Variants in DLEU7 observed in about 807,000 individuals in gnomAD.
DLEU7 encodes the protein deleted in lymphocytic leukemia 7.
DLEU7 carries 17 observed loss-of-function variants against 16.0 expected under a neutral mutation model. The observed-to-expected ratio is 1.06, with a 90% CI of 0.73 to 1.59. The LOEUF (loss-of-function observed/expected upper bound fraction) is 1.59. DLEU7 is among the 40% of genes most tolerant of loss of function. The probability of loss-of-function intolerance (pLI) is 0.00; values close to 1 mark genes in which losing one functional copy is unlikely to be tolerated. For missense variants in DLEU7, 308 were observed against 314.9 expected (o/e 0.98, Z 0.17); for synonymous variants, 113 against 139.8 (o/e 0.81, Z 1.35).
intron 1 of DLEU7, among the ~76,000 whole-genome samples, chr13:50,790,211 G>A (rs1875915092): frequency 6.6e-6 from 1 of 151,954 alleles, no homozygotes; most frequent in African/African-American, 2.4e-5. Context: ...GAGATTACAG[G>A]CGTGAGCCAC....
rs374423037 is a variant in DLEU7, at chr13:50,713,975, C to T, written c.460-735G>A. On this transcript the variant is annotated intron_variant, in intron 1 of 1. Coordinates refer to the DLEU7 transcript ENST00000400393. ...TTGCCCCTACCCTCATGAAGACTGT[C>T]GGCTGTGTTACAGAACTGCTGCTCT... Among the ~76,000 whole-genome samples the T allele has an allele frequency of 3.9e-5, 6 of 152,210 alleles. No homozygotes were observed. In the East Asian group the frequency reaches 9.6e-4, roughly 24 times the overall value.
chr13:50,747,917 A>G (rs1462061117), intron 1 of DLEU7, among the ~76,000 whole-genome samples: 2 of 152,204 alleles, frequency 1.3e-5, no homozygotes, highest in African/African-American at 4.8e-5. Flanking sequence ...ACTGGTGACC[A>G]TGGCAACTGG....
intron 1 of DLEU7, among the ~76,000 whole-genome samples, chr13:50,811,282 G>A (rs927845720): frequency 6.6e-6 from 1 of 152,062 alleles, no homozygotes; most frequent in Non-Finnish European, 1.5e-5. Context: ...AAGAACCGAG[G>A]GAAGGCCTTT....
At chr13:50,837,251 T>C (rs958709364) in intron 1 of DLEU7, among the ~76,000 whole-genome samples, 2 of 152,212 alleles carry the variant, frequency 1.3e-5, no homozygotes, top group African/African-American at 4.8e-5. Context: ...AAAAGCACTT[T>C]TGTGATGGGT....
intron 1 of DLEU7, among the ~76,000 whole-genome samples, chr13:50,748,578 A>C (rs889292113): frequency 6.6e-6 from 1 of 152,122 alleles, no homozygotes; most frequent in Non-Finnish European, 1.5e-5. Context: ...GGGTGTCCTC[A>C]GGTGACGGTC....
At chr13:50,823,869 C>T (rs540376227) in intron 1 of DLEU7, among the ~76,000 whole-genome samples, 54 of 152,292 alleles carry the variant, frequency 3.5e-4, no homozygotes, top group Non-Finnish European at 6.2e-4. Context: ...AGGATAGCAT[C>T]CAAATGAGAA....
At chr13:50,770,642 A>G (rs955948012) in intron 1 of DLEU7, among the ~76,000 whole-genome samples, 2 of 152,184 alleles carry the variant, frequency 1.3e-5, no homozygotes, top group South Asian at 4.1e-4. Flanking sequence ...GTGGTGGATA[A>G]GCTTTTTGAT....
intron 1 of DLEU7, among the ~76,000 whole-genome samples, chr13:50,730,936 T>C (rs1162759962): frequency 6.6e-6 from 1 of 151,994 alleles, no homozygotes; most frequent in Non-Finnish European, 1.5e-5. Context: ...AAACCCCACC[T>C]CTCCACACCC....
In DLEU7 at chr13:50,843,428, C is replaced by A; in HGVS notation, c.219G>T (p.Gly73=). The A allele has an allele frequency of 1.5e-6, 2 of 1,321,314 alleles. No individual in the cohort carries two copies. The highest frequency in any genetic ancestry group is 4.4e-5 in the South Asian group (2 of 45,752). The allele number at this position is 1,321,314 out of a possible 1,614,324, so 81.8% of individuals were successfully genotyped here. A position where few individuals can be genotyped will look rare whatever the true frequency, so the allele number is the denominator to read the frequency against. ...GCGCCGCGGTCCGCCGACTCCTGGT[C>A]CCCACGCCCCCGCCCCGCTCCTCGC... is the stretch of plus-strand genomic sequence containing the variant. ...PGREERGGGV[G]TRSRRTAARA... The change falls in exon 1 of 2, where the codon GGG becomes GGT. Residue 73 remains glycine, a synonymous_variant. Transcript: ENST00000504404. The surrounding 1 kb of genome is among the most constrained non-coding windows in gnomAD (Gnocchi z 5.7).
chr13:50,797,435 A>G (rs534372677), intron 1 of DLEU7, among the ~76,000 whole-genome samples: 4 of 152,336 alleles, frequency 2.6e-5, no homozygotes, highest in East Asian at 3.9e-4. Context: ...TAAAGCTTCA[A>G]TCACCAAGCA....
chr13:50,773,470 T>A (rs1875391554), intron 1 of DLEU7, among the ~76,000 whole-genome samples: 1 of 152,232 alleles, frequency 6.6e-6, no homozygotes, highest in Non-Finnish European at 1.5e-5. Context: ...TTGTCCTTTT[T>A]GTTGATGTTG....
At chr13:50,755,284 T>G (rs1483881690) in intron 1 of DLEU7, among the ~76,000 whole-genome samples, 1 of 152,248 alleles carries the variant, frequency 6.6e-6, no homozygotes, top group East Asian at 1.9e-4. Context: ...CCAAATATGT[T>G]TTCCAAACTC....
chr13:50,790,906 C>T lies in DLEU7; in HGVS notation c.459+52282G>A, dbSNP rs984182843. 2.6e-5 allele frequency among the ~76,000 whole-genome samples: 4 copies of T among 152,190 alleles called. No homozygotes were observed. In the East Asian group the frequency reaches 7.7e-4, roughly 29 times the overall value. On this transcript the variant is annotated intron_variant, in intron 1 of 1. Coordinates refer to the DLEU7 transcript ENST00000400393. ...AAAAAAAGTTTAGCATGTTATTGCC[C>T]AAGCTGAATAAGCTCACTTCGGCTA...
At chr13:50,825,852 G>T (rs1431022396) in intron 1 of DLEU7, among the ~76,000 whole-genome samples, 2 of 152,106 alleles carry the variant, frequency 1.3e-5, no homozygotes, top group East Asian at 3.9e-4. Flanking sequence ...ACAACAAATT[G>T]AACTAAGATT....
chr13:50,817,449 G>C (rs1456383035), intron 1 of DLEU7, among the ~76,000 whole-genome samples: 1 of 152,164 alleles, frequency 6.6e-6, no homozygotes, highest in Non-Finnish European at 1.5e-5. Context: ...CCAGGACTGT[G>C]GTAATTTCTT....
chr13:50,716,138 G>A (rs1023065379), intron 1 of DLEU7, among the ~76,000 whole-genome samples: 2 of 152,214 alleles, frequency 1.3e-5, no homozygotes, highest in African/African-American at 4.8e-5. Context: ...AGTTCACTGG[G>A]CAGTTCTAAG....
intron 1 of DLEU7, among the ~76,000 whole-genome samples, chr13:50,833,056 T>TTC (rs1312633201): frequency 6.6e-6 from 1 of 152,168 alleles, no homozygotes; most frequent in Admixed American, 6.5e-5. Context: ...CTCAAAATTA[T>TTC]AAGAGCTATT....
chr13:50,801,548 C>A (rs769335932), intron 1 of DLEU7, among the ~76,000 whole-genome samples: 36 of 152,086 alleles, frequency 2.4e-4, no homozygotes, highest in Non-Finnish European at 4.6e-4. Flanking sequence ...AATACCTAAT[C>A]CCTTTCGTTC....
At chr13:50,799,903 A>C (rs1876201625) in intron 1 of DLEU7, among the ~76,000 whole-genome samples, 1 of 152,214 alleles carries the variant, frequency 6.6e-6, no homozygotes, top group Admixed American at 6.5e-5. Context: ...TGCGTTGCTG[A>C]AGATTTGCTG....
Sources: allele counts gnomAD v4.1 joint callset (sites outside exome capture counted in the v4.1 genomes callset), GRCh38; gene constraint gnomAD v4.1.1; non-coding constraint Gnocchi (gnomAD v3.1); transcripts MANE v1.5; gene names NCBI Gene and HGNC (gene_info 2026-07-23, HGNC 2026-07-21).